NRXN1: variants seen among roughly 807,000 people sequenced by gnomAD.
NRXN1 encodes the protein neurexin-1.
In NRXN1, 39 loss-of-function variants were observed where a neutral mutation model predicts 150.9. The observed-to-expected ratio is 0.26, with a 90% CI of 0.20 to 0.34. The LOEUF (loss-of-function observed/expected upper bound fraction) is 0.34. Among genes scored for constraint, NRXN1 ranks in the 10% least tolerant of loss-of-function variants. The probability of loss-of-function intolerance (pLI) is 1.00; values close to 1 mark genes in which losing one functional copy is unlikely to be tolerated. For synonymous variants in NRXN1, 924 were observed against 757.0 expected (o/e 1.22, Z -3.62); for missense variants, 1,815 against 1,949.9 (o/e 0.93, Z 1.30).
intron 5 of NRXN1, among the ~76,000 whole-genome samples, chr2:50,797,007 GGCAAGACAGCTCCCTTCTTTTATAAGA>G (rs1706932457): frequency 6.6e-6 from 1 of 152,092 alleles, no homozygotes; most frequent in Non-Finnish European, 1.5e-5. Flanking sequence ...ATGGCAGAAG[GGCAAGACAGCTCCCTTCTTTTATAAGA>G]GCACGAATCC....
At chr2:50,810,873 G>A (rs190360333) in intron 5 of NRXN1, among the ~76,000 whole-genome samples, 4 of 151,962 alleles carry the variant, frequency 2.6e-5, no homozygotes, top group African/African-American at 4.8e-5. Context: ...CCAGCTACTC[G>A]GGAGGCTGAG....
intron 17 of NRXN1, among the ~76,000 whole-genome samples, chr2:50,392,779 C>G (rs2081810070): frequency 6.6e-6 from 1 of 151,988 alleles, no homozygotes; most frequent in Non-Finnish European, 1.5e-5. Flanking sequence ...ATCCTGAAAG[C>G]TATATCAGGA....
rs1252758400 is a variant in NRXN1 at position 50,169,727 on chromosome 2, AAG to A, written c.3546+67060_3546+67061del. Among the ~76,000 whole-genome samples, 271 of 130,884 alleles carry A rather than the reference AAG, an allele frequency of 2.1e-3. 4 individuals are homozygous for A. The highest frequency in any genetic ancestry group is 9.6e-3 in the African/African-American group (229 of 23,930). The allele number at this position is 130,884 out of a possible 152,430, so 85.9% of individuals were successfully genotyped here. On this transcript the variant is annotated intron_variant, in intron 18 of 22. Transcript: ENST00000401669. The stretch of plus-strand genomic sequence containing the variant: ...CTTCCATCTCAAAAAAAAAAAAAAA[AAG>A]AAAGAAAGAAATTATATGGATGAGG...
chr2:50,373,294 T>TTTTTATTATTA lies in NRXN1; in HGVS notation c.3364+92147_3364+92148insTAATAATAAAA, dbSNP rs1553512408. Among the ~76,000 whole-genome samples the TTTTTATTATTA allele has an allele frequency of 2.1e-5, 3 of 140,412 alleles. No individual in the cohort carries two copies. In the East Asian group the frequency reaches 6.3e-4, roughly 29 times the overall value. 92.1% of individuals were successfully genotyped at this position (140,412 alleles called of 152,430 possible). ...ATATCAGATTTATTTTATTTTATTT[T>TTTTTATTATTA]TTATTATTATTATTATTATTATTAT... On this transcript the variant is annotated intron_variant, in intron 17 of 22. Transcript: ENST00000401669.
rs529057435 is a variant in NRXN1 at position 50,634,721 on chromosome 2, C to G, written c.833-11106G>C. The stretch of plus-strand genomic sequence containing the variant: ...AGTGGAGGAGGAAGATGTAGTATGC[C>G]TCTAGGTGTCTTACCATCACCGCCC... On this transcript the variant is annotated intron_variant, in intron 5 of 22. Transcript: ENST00000401669. 4.6e-5 allele frequency among the ~76,000 whole-genome samples: 7 copies of G among 152,136 alleles called. No homozygotes were observed. In the East Asian group the frequency reaches 1.4e-3, roughly 29 times the overall value.
chr2:50,543,421 G>C (rs549147394), intron 9 of NRXN1, among the ~76,000 whole-genome samples: 1 of 151,948 alleles, frequency 6.6e-6, no homozygotes, highest in Non-Finnish European at 1.5e-5. Context: ...GAATGAGATC[G>C]CAACTAAAAA....
intron 18 of NRXN1, among the ~76,000 whole-genome samples, chr2:50,218,050 T>C (rs1021159112): frequency 2.5e-4 from 38 of 152,044 alleles, no homozygotes; most frequent in African/African-American, 8.0e-4. Context: ...CTACCTCCTC[T>C]GCAAAGGTGC....
At chr2:50,401,211 T>A (rs2103939040) in intron 17 of NRXN1, among the ~76,000 whole-genome samples, 1 of 152,300 alleles carries the variant, frequency 6.6e-6, no homozygotes, top group Middle Eastern at 3.4e-3. Flanking sequence ...GATGCTTACA[T>A]TAATTTTTGT....
intron 19 of NRXN1, among the ~76,000 whole-genome samples, chr2:50,067,116 A>C (rs554494144): frequency 6.6e-6 from 1 of 152,276 alleles, no homozygotes; most frequent in South Asian, 2.1e-4. Context: ...CCAGTTAAAC[A>C]ATATATTCAT....
chr2:50,788,378 C>T (rs549345956), intron 5 of NRXN1, among the ~76,000 whole-genome samples: 24 of 152,172 alleles, frequency 1.6e-4, no homozygotes, highest in African/African-American at 5.1e-4. Context: ...TGAGCCACCG[C>T]GCCCGGCCTC....
intron 5 of NRXN1, among the ~76,000 whole-genome samples, chr2:50,662,022 A>G (rs1687375977): frequency 6.6e-6 from 1 of 152,056 alleles, no homozygotes; most frequent in Non-Finnish European, 1.5e-5. Flanking sequence ...GACAGTATTG[A>G]TATTACAATG....
intron 5 of NRXN1, among the ~76,000 whole-genome samples, chr2:50,701,278 G>A (rs528836238): frequency 1.1e-4 from 17 of 152,022 alleles, no homozygotes; most frequent in African/African-American, 2.4e-4. Flanking sequence ...CCACAAACCC[G>A]TCTAAAACAA....
chr2:50,153,699 GAAAGAAGAAAAGA>G (rs1574203903), intron 18 of NRXN1, among the ~76,000 whole-genome samples: 1 of 151,694 alleles, frequency 6.6e-6, no homozygotes, highest in East Asian at 1.9e-4. Flanking sequence ...TCCAAAAAAA[GAAAGAAGAAAAGA>G]AAAGAAGAAA....
At chr2:50,476,513 T>C (rs1042635136) in intron 15 of NRXN1, among the ~76,000 whole-genome samples, 5 of 151,866 alleles carry the variant, frequency 3.3e-5, no homozygotes, top group Non-Finnish European at 7.4e-5. Flanking sequence ...ACATAAAGCA[T>C]CTAGTATACA....
At chr2:50,191,262 A>G (rs1450385028) in intron 18 of NRXN1, among the ~76,000 whole-genome samples, 1 of 149,664 alleles carries the variant, frequency 6.7e-6, no homozygotes, top group East Asian at 2.0e-4. Context: ...CTGATCTCTA[A>G]CTCCTGACCT....
chr2:50,426,008 A>G (rs1341094947), intron 17 of NRXN1, among the ~76,000 whole-genome samples: 1 of 152,226 alleles, frequency 6.6e-6, no homozygotes, highest in Non-Finnish European at 1.5e-5. Flanking sequence ...TACTTGTTAC[A>G]GAGACATTTT....
chr2:50,188,526 A>G (rs2061236146), intron 18 of NRXN1, among the ~76,000 whole-genome samples: 1 of 152,168 alleles, frequency 6.6e-6, no homozygotes, highest in Admixed American at 6.6e-5. Context: ...GACAAATGGG[A>G]TCTAATTAAA....
At chr2:49,953,219 G>T (rs749074319) in intron 21 of NRXN1, among the ~76,000 whole-genome samples, 2 of 152,108 alleles carry the variant, frequency 1.3e-5, no homozygotes, top group Non-Finnish European at 2.9e-5. Context: ...AACAGAAGGT[G>T]TATTTTCTGA....
chr2:50,835,862 G>A (rs553393303), intron 5 of NRXN1, among the ~76,000 whole-genome samples: 3 of 151,964 alleles, frequency 2.0e-5, no homozygotes, highest in Non-Finnish European at 4.4e-5. Context: ...AGGTTGTCTT[G>A]GGCAAGTAAT....
Sources: allele counts gnomAD v4.1 joint callset (sites outside exome capture counted in the v4.1 genomes callset), GRCh38; gene constraint gnomAD v4.1.1; transcripts MANE v1.5; gene names NCBI Gene and HGNC (gene_info 2026-07-23, HGNC 2026-07-21).